The following CACNG2 variants were observed in gnomAD, a reference collection of about 807,000 sequenced individuals.
The protein encoded by CACNG2 is voltage-dependent calcium channel gamma-2 subunit.
CACNG2 carries 3 observed loss-of-function variants against 25.9 expected under a neutral mutation model. The observed-to-expected ratio is 0.12, with a 90% CI of 0.05 to 0.30. The LOEUF is 0.30. Ranked by LOEUF, CACNG2 falls within the 10% of genes least tolerant of loss-of-function variation. The probability of loss-of-function intolerance (pLI) is 1.00; values close to 1 mark genes in which losing one functional copy is unlikely to be tolerated. For missense variants in CACNG2, 341 were observed against 432.5 expected, an observed-to-expected ratio of 0.79 and a Z score of 1.88; for synonymous variants, 167 against 173.3, an observed-to-expected ratio of 0.96 and a Z score of 0.29.
At chr22:36,689,058 T>C (rs1937237599) in intron 1 of CACNG2, among the ~76,000 whole-genome samples, 1 of 152,180 alleles carries the variant, frequency 6.6e-6, no homozygotes, top group South Asian at 2.1e-4. Flanking sequence ...CAGAACCCAC[T>C]GCAGAGGGCC....
chr22:36,642,790 A>T lies in CACNG2; in HGVS notation c.212-55242T>A, dbSNP rs1245055532. ...TTGTGTAATCATGGATAATTAGGAT[A>T]GTGGTAGCAGACAGCTAACCCAGCA... On this transcript the variant is annotated intron_variant, in intron 1 of 3. Transcript: ENST00000300105. Among the ~76,000 whole-genome samples the T allele has an allele frequency of 2.0e-5, 3 of 152,236 alleles. No homozygotes were observed. In the East Asian group the frequency reaches 5.8e-4, roughly 29 times the overall value.
intron 2 of CACNG2, among the ~76,000 whole-genome samples, chr22:36,569,867 T>C (rs1023979631): frequency 6.6e-6 from 1 of 152,130 alleles, no homozygotes; most frequent in African/African-American, 2.4e-5. Flanking sequence ...AGCTCTGCCC[T>C]TTCCATGTGG....
At position 36,661,448 on chromosome 22, in the gene CACNG2, A is replaced by AAT. The variant is rs1481212959; in HGVS notation, c.211+40916_211+40917dup. 4.6e-5 allele frequency among the ~76,000 whole-genome samples: 7 copies of AAT among 152,132 alleles called. No individual in the cohort carries two copies. In the East Asian group the frequency reaches 1.3e-3, roughly 29 times the overall value. On this transcript the variant is annotated intron_variant, in intron 1 of 3. Transcript: ENST00000300105. ...ATCCAACTTCTCTCATGCTTATGGG[A>AAT]ATGGGATGTCAGGAGGTTCAGTGTG...
At chr22:36,691,281 TG>T (rs1937265147) in intron 1 of CACNG2, among the ~76,000 whole-genome samples, 1 of 128,172 alleles carries the variant, frequency 7.8e-6, no homozygotes, top group Non-Finnish European at 1.7e-5. Context: ...AGGATGTGGC[TG>T]GGAAAGGGGC....
At chr22:36,574,143 T>A (rs1201283311) in intron 2 of CACNG2, among the ~76,000 whole-genome samples, 1 of 151,994 alleles carries the variant, frequency 6.6e-6, no homozygotes, top group Non-Finnish European at 1.5e-5. Context: ...ATGGGAAACT[T>A]TAAAGGGCTT....
Position 36,672,467 on chromosome 22 carries a change from G to A in CACNG2, c.211+29899C>T, listed in dbSNP as rs200976948. ...CACTGTGAATAGGGGTGGTAGGGAA[G>A]GCCAAGAGCAAGAGGAAACCGGGAA... On this transcript the variant is annotated intron_variant, in intron 1 of 3. Coordinates refer to ENST00000300105, the MANE Select transcript of CACNG2 (RefSeq NM_006078.5). Among the ~76,000 whole-genome samples, 8 of 152,274 alleles carry A rather than the reference G, an allele frequency of 5.3e-5. 1 individual carries two copies. The East Asian group carries it at 1.2e-3, about 22-fold the overall frequency.
At chr22:36,589,514 T>C (rs1171297000) in intron 1 of CACNG2, among the ~76,000 whole-genome samples, 3 of 152,208 alleles carry the variant, frequency 2.0e-5, no homozygotes, top group Non-Finnish European at 4.4e-5. Flanking sequence ...CTGCATATAA[T>C]GGAAAAGAGG....
chr22:36,566,306 C>G (rs2267338), intron 3 of CACNG2, 47 bp downstream of exon 3: 780,520 of 1,604,106 alleles, frequency 0.49, 197,101 homozygotes, highest in African/African-American at 0.83. Context: ...TGAGCACCCA[C>G]ACCCCAGCCT....
chr22:36,626,681 C>G (rs1936188162), intron 1 of CACNG2, among the ~76,000 whole-genome samples: 1 of 152,132 alleles, frequency 6.6e-6, no homozygotes, highest in East Asian at 1.9e-4. Context: ...TGGTTTCTGT[C>G]TCTTCAATGG....
intron 1 of CACNG2, among the ~76,000 whole-genome samples, chr22:36,602,804 G>A (rs900790141): frequency 6.6e-6 from 1 of 152,200 alleles, no homozygotes; most frequent in African/African-American, 2.4e-5. Flanking sequence ...GAACTTAATT[G>A]ATAAATGCTA....
chr22:36,575,701 G>A (rs541776583), intron 2 of CACNG2, among the ~76,000 whole-genome samples: 7 of 152,202 alleles, frequency 4.6e-5, no homozygotes, highest in Admixed American at 1.3e-4. Context: ...TGATGGTCCC[G>A]TGCCCATCAA....
intron 1 of CACNG2, among the ~76,000 whole-genome samples, chr22:36,612,990 G>A (rs1259183179): frequency 6.6e-6 from 1 of 152,120 alleles, no homozygotes; most frequent in Non-Finnish European, 1.5e-5. Flanking sequence ...AAAATAAAGG[G>A]GTTCCACTGG....
chr22:36,571,753 C>A (rs575406622), intron 2 of CACNG2, among the ~76,000 whole-genome samples: 1 of 148,632 alleles, frequency 6.7e-6, no homozygotes, highest in Non-Finnish European at 1.5e-5. Context: ...GGTGCACACC[C>A]ATAGCCCCAG....
intron 1 of CACNG2, among the ~76,000 whole-genome samples, chr22:36,614,931 T>C (rs1973777829): frequency 6.6e-6 from 1 of 152,196 alleles, no homozygotes; most frequent in South Asian, 2.1e-4. Flanking sequence ...GCATTTCGCC[T>C]TTCCAAGCTT....
chr22:36,693,873 G>A (rs1045272996), intron 1 of CACNG2, among the ~76,000 whole-genome samples: 3 of 152,162 alleles, frequency 2.0e-5, no homozygotes, highest in Non-Finnish European at 2.9e-5. Context: ...TACATTTCAT[G>A]CTGTGCAGTT....
chr22:36,570,897 G>A (rs1474665374), intron 2 of CACNG2, among the ~76,000 whole-genome samples: 2 of 152,048 alleles, frequency 1.3e-5, no homozygotes, highest in Non-Finnish European at 2.9e-5. Flanking sequence ...TTCTACATTG[G>A]AGACGTTTCT....
rs1246211935 is a variant in CACNG2, at chr22:36,587,623, C to T, written c.212-75G>A. ...CGCTTAGGGCCCACCTGCCTCTTCC[C>T]AACTTCTGGCTCTTTGGAAACTCAC... On this transcript the variant is annotated intron_variant, in intron 1 of 3. Transcript: ENST00000300105. 1.0e-5 allele frequency: 10 copies of T among 992,532 alleles called. No individual in the cohort carries two copies. The East Asian group carries it at 1.4e-4, about 14-fold the overall frequency. The allele number at this position is 992,532 out of a possible 1,614,324, so 61.5% of individuals were successfully genotyped here. A position where few individuals can be genotyped will look rare whatever the true frequency, so the allele number is the denominator to read the frequency against.
At chr22:36,685,509 C>T (rs551258959) in intron 1 of CACNG2, among the ~76,000 whole-genome samples, 18 of 152,262 alleles carry the variant, frequency 1.2e-4, no homozygotes, top group Non-Finnish European at 2.2e-4. Context: ...CATCGCTCTG[C>T]CCCCACCTCA....
chr22:36,698,413 T>C (rs1477734479), intron 1 of CACNG2, among the ~76,000 whole-genome samples: 1 of 152,218 alleles, frequency 6.6e-6, no homozygotes, highest in East Asian at 1.9e-4. Context: ...AGCCCACCCA[T>C]GCTAGAAGGC....
Sources: allele counts gnomAD v4.1 joint callset (sites outside exome capture counted in the v4.1 genomes callset), GRCh38; gene constraint gnomAD v4.1.1; transcripts MANE v1.5; gene names NCBI Gene and HGNC (gene_info 2026-07-23, HGNC 2026-07-21).